Variants in RAB15 observed in about 807,000 individuals in gnomAD.
RAB15 encodes the protein ras-related protein Rab-15.
In RAB15, 13 loss-of-function variants were observed where a neutral mutation model predicts 31.8. The ratio of observed to expected loss-of-function variants is 0.41; its 90% CI spans 0.27 to 0.65. RAB15 has a LOEUF of 0.65. Ranked by LOEUF, RAB15 falls within the 30% of genes least tolerant of loss-of-function variation. The probability of loss-of-function intolerance (pLI) is 0.32; values close to 1 mark genes in which losing one functional copy is unlikely to be tolerated. For missense variants in RAB15, 220 were observed against 277.3 expected, an observed-to-expected ratio of 0.79 and a Z score of 1.47; for synonymous variants, 100 against 105.6, an observed-to-expected ratio of 0.95 and a Z score of 0.33.
chr14:64,954,092 G>T lies in RAB15; in HGVS notation c.125-1521C>A. On this transcript the variant is annotated intron_variant, in intron 1 of 6. Coordinates refer to ENST00000533601, the MANE Select transcript of RAB15 (RefSeq NM_001308154.2). The surrounding 1 kb of genome is among the most constrained non-coding windows in gnomAD (Gnocchi z 4.3). The stretch of plus-strand genomic sequence containing the variant: ...CATTTAATTACAAGGGAAAAAAGAT[G>T]CAGAACGGGCAACCTGAACTAAATC... 1.0e-6 allele frequency: 1 copy of T among 985,456 alleles called. No individual in the cohort carries two copies. Among genetic ancestry groups the T allele is most frequent in the Non-Finnish European group, 1.2e-6 (1 of 829,934 alleles). 61.0% of individuals were successfully genotyped at this position (985,456 alleles called of 1,614,324 possible).
rs1351684001 is a variant in RAB15, at chr14:64,948,035, T to G, written c.*319A>C. On this transcript the variant is annotated 3_prime_UTR_variant, in exon 7 of 7. Coordinates refer to ENST00000533601, the MANE Select transcript of RAB15 (RefSeq NM_001308154.2). This position sits in a 1 kb window ranked among gnomAD's most constrained non-coding sequence, Gnocchi z 7.0. Reference sequence around the variant, plus strand: ...GAGAAAGGAGCAGCTGAAAGTGGCCTGGACTCCAGCCCTGGCTGTTGTCTG... The same window carrying G: ...GAGAAAGGAGCAGCTGAAAGTGGCCGGGACTCCAGCCCTGGCTGTTGTCTG... 1.6e-5 allele frequency: 5 copies of G among 306,108 alleles called. No homozygotes were observed. Among genetic ancestry groups the G allele is most frequent in the Non-Finnish European group, 3.0e-5 (5 of 166,962 alleles). The allele number at this position is 306,108 out of a possible 1,614,324, so 19.0% of individuals were successfully genotyped here.
At chr14:64,966,183 C>A (rs1208380471) in intron 1 of RAB15, among the ~76,000 whole-genome samples, 1 of 152,200 alleles carries the variant, frequency 6.6e-6, no homozygotes, top group African/African-American at 2.4e-5. Context: ...TGTAAGCCAG[C>A]TCCTTGGTTT....
rs1443397320 is a variant in RAB15 at position 64,958,236 on chromosome 14, A to G, written c.125-5665T>C. ...AGGTCTGTGTTCCTCCAAAATTCCCATATTGAAACTTAATCCCCAGTGCAG... is the reference window on the plus strand; with the variant it reads ...AGGTCTGTGTTCCTCCAAAATTCCCGTATTGAAACTTAATCCCCAGTGCAG... On this transcript the variant is annotated intron_variant, in intron 1 of 6. Transcript: ENST00000533601. The surrounding 1 kb of genome is among the most constrained non-coding windows in gnomAD (Gnocchi z 4.4). The G allele has an allele frequency of 1.3e-5, 2 of 152,314 alleles. No individual in the cohort carries two copies. Among genetic ancestry groups the G allele is most frequent in the Non-Finnish European group, 1.5e-5 (1 of 68,152 alleles). The allele number at this position is 152,314 out of a possible 1,614,324, so 9.4% of individuals were successfully genotyped here. A position where few individuals can be genotyped will look rare whatever the true frequency, so the allele number is the denominator to read the frequency against.
At position 64,946,514 on chromosome 14, in the gene RAB15, G is replaced by T. The variant is rs1352663120; in HGVS notation, c.*1840C>A. 6.6e-6 allele frequency: 1 copy of T among 152,216 alleles called. No individual in the cohort carries two copies. The highest frequency in any genetic ancestry group is 1.5e-5 in the Non-Finnish European group (1 of 68,056). The allele number at this position is 152,216 out of a possible 1,614,324, so 9.4% of individuals were successfully genotyped here. A position where few individuals can be genotyped will look rare whatever the true frequency, so the allele number is the denominator to read the frequency against. On this transcript the variant is annotated 3_prime_UTR_variant, in exon 7 of 7. Coordinates refer to ENST00000533601, the MANE Select transcript of RAB15 (RefSeq NM_001308154.2). The stretch of plus-strand genomic sequence containing the variant: ...CTGTCTCCTTTTCTCATTAGCCAGT[G>T]ATTTACAACTTCCTGCTCTCCTTTG...
chr14:64,954,160 T>C lies in RAB15; in HGVS notation c.125-1589A>G. ...ATCATTTCTCGCCTGCCCAAGCTGA[T>C]TCATATCCATTGAGCTGTACTTTTC... On this transcript the variant is annotated intron_variant, in intron 1 of 6. Transcript: ENST00000533601. This position sits in a 1 kb window ranked among gnomAD's most constrained non-coding sequence, Gnocchi z 4.3. 2 of 985,466 alleles carry C rather than the reference T, an allele frequency of 2.0e-6. No homozygotes were observed. Among genetic ancestry groups the C allele is most frequent in the Non-Finnish European group, 2.4e-6 (2 of 829,934 alleles). The allele number at this position is 985,466 out of a possible 1,614,324, so 61.0% of individuals were successfully genotyped here. A position where few individuals can be genotyped will look rare whatever the true frequency, so the allele number is the denominator to read the frequency against.
rs76815586 is a variant in RAB15 at position 64,955,683 on chromosome 14, C to T, written c.125-3112G>A. Among the ~76,000 whole-genome samples the T allele has an allele frequency of 4.3e-3, 660 of 152,326 alleles. 2 individuals carry two copies. The highest frequency in any genetic ancestry group is 6.4e-3 in the Non-Finnish European group (435 of 68,036). On this transcript the variant is annotated intron_variant, in intron 1 of 6. Coordinates refer to ENST00000533601, the MANE Select transcript of RAB15 (RefSeq NM_001308154.2). The surrounding 1 kb of genome is among the most constrained non-coding windows in gnomAD (Gnocchi z 4.4). Reference sequence around the variant, plus strand: ...CAGATGAATGCCTTTCCTCTGAAGCCACCTCCTTTCTTCAGATTTTCCTAA... The same window carrying T: ...CAGATGAATGCCTTTCCTCTGAAGCTACCTCCTTTCTTCAGATTTTCCTAA...
chr14:64,971,183 T>C lies in RAB15; in HGVS notation c.124+770A>G, dbSNP rs1386715703. Reference sequence around the variant, plus strand: ...GCCATGGACCCATTCCTAGAATAAGTGACCCCATCATAGTGCTGTCTGGGA... The same window carrying C: ...GCCATGGACCCATTCCTAGAATAAGCGACCCCATCATAGTGCTGTCTGGGA... On this transcript the variant is annotated intron_variant, in intron 1 of 6. Coordinates refer to ENST00000533601, the MANE Select transcript of RAB15 (RefSeq NM_001308154.2). The surrounding 1 kb of genome is among the most constrained non-coding windows in gnomAD (Gnocchi z 4.1). Among the ~76,000 whole-genome samples, 15 of 152,186 alleles carry C rather than the reference T, an allele frequency of 9.9e-5. No homozygotes were observed. Among genetic ancestry groups the C allele is most frequent in the Admixed American group, 9.8e-4 (15 of 15,270 alleles).
chr14:64,964,688 G>A (rs1253391867), intron 1 of RAB15, among the ~76,000 whole-genome samples: 1 of 150,230 alleles, frequency 6.7e-6, no homozygotes, highest in Non-Finnish European at 1.5e-5. Flanking sequence ...CAATTCTCCT[G>A]CCTCAGCCTC....
At position 64,950,828 on chromosome 14, in the gene RAB15, C is replaced by T. The variant is rs376144019; in HGVS notation, c.324+246G>A. On this transcript the variant is annotated intron_variant, in intron 4 of 6. Coordinates refer to ENST00000533601, the MANE Select transcript of RAB15 (RefSeq NM_001308154.2). This position sits in a 1 kb window ranked among gnomAD's most constrained non-coding sequence, Gnocchi z 5.6. ...CCAAGATTTCAGGAAAGAAGCTGCT[C>T]ACAGGGAAGACTTGGAACTAATTCA... is the stretch of plus-strand genomic sequence containing the variant. 1.5e-3 allele frequency: 1,160 copies of T among 754,144 alleles called. 19 individuals carry two copies. The South Asian group carries it at 0.019, about 13-fold the overall frequency. 46.7% of individuals were successfully genotyped at this position (754,144 alleles called of 1,614,324 possible).
At position 64,968,675 on chromosome 14, in the gene RAB15, T is replaced by G. The variant is rs1887264155; in HGVS notation, c.124+3278A>C. Among the ~76,000 whole-genome samples, 1 of 152,242 alleles carries G rather than the reference T, an allele frequency of 6.6e-6. No individual in the cohort carries two copies. Among genetic ancestry groups the G allele is most frequent in the African/African-American group, 2.4e-5 (1 of 41,472 alleles). On this transcript the variant is annotated intron_variant, in intron 1 of 6. Transcript: ENST00000533601. This position sits in a 1 kb window ranked among gnomAD's most constrained non-coding sequence, Gnocchi z 4.9. ...TGCCTCCCCATCTAGGTTATGGGCT[T>G]CTGTGGGCAGAAAACGTAGACTGCA...
intron 1 of RAB15, among the ~76,000 whole-genome samples, chr14:64,966,000 G>A (rs1409035311): frequency 6.6e-6 from 1 of 152,198 alleles, no homozygotes; most frequent in Non-Finnish European, 1.5e-5. Flanking sequence ...ACACCTAGCA[G>A]GGGCCCAAGC....
In RAB15 at chr14:64,949,722, C is replaced by CAA. The variant is rs200189142; in HGVS notation, c.414+601_414+602dup. The stretch of plus-strand genomic sequence containing the variant: ...TGGGTGACAGAGCGAGACTCCATCT[C>CAA]AAAAAAAAAAAAAAAAAGAAAGAAA... On this transcript the variant is annotated intron_variant, in intron 5 of 6. Transcript: ENST00000533601. Among the ~76,000 whole-genome samples, 45 of 85,328 alleles carry CAA rather than the reference C, an allele frequency of 5.3e-4. No individual in the cohort carries two copies. In the South Asian group the frequency reaches 6.6e-3, roughly 13 times the overall value. The allele number at this position is 85,328 out of a possible 152,430, so 56.0% of individuals were successfully genotyped here. A position where few individuals can be genotyped will look rare whatever the true frequency, so the allele number is the denominator to read the frequency against.
At position 64,951,618 on chromosome 14, in the gene RAB15, G is replaced by A. The variant is rs1306805685; in HGVS notation, c.231C>T (p.Tyr77=). 6.2e-7 allele frequency: 1 copy of A among 1,614,230 alleles called. No individual in the cohort carries two copies. The highest frequency in any genetic ancestry group is 1.7e-5 in the Admixed American group (1 of 60,030). ...GGTGGCTTACCTGGGCCCGCCGATAGTACTGCTTTGTGATGGTCTGGTATC... is the reference window on the plus strand; with the variant it reads ...GGTGGCTTACCTGGGCCCGCCGATAATACTGCTTTGTGATGGTCTGGTATC... The part of the protein sequence containing the change: ...QERYQTITKQ[Y]YRRAQGIFLV... Residue 77 remains tyrosine (Y), a synonymous_variant, in exon 3 of 7, where the codon TAC becomes TAT. Transcript: ENST00000533601. The surrounding 1 kb of genome is among the most constrained non-coding windows in gnomAD (Gnocchi z 7.2).
In RAB15 at chr14:64,972,072, G is replaced by C. The variant is rs1887459479; in HGVS notation, c.5C>G (p.Ala2Gly). The C allele has an allele frequency of 6.2e-7, 1 of 1,604,416 alleles. No homozygotes were observed. Among genetic ancestry groups the C allele is most frequent in the Non-Finnish European group, 8.5e-7 (1 of 1,176,618 alleles). M[A>G]KQYDVLFRLL... ...CCGGAACAGCACATCGTACTGCTTC[G>C]CCATGACTGGGGCCAGCGGGGCCGG... is the stretch of plus-strand genomic sequence containing the variant. The change falls in exon 1 of 7, where the codon GCG becomes GGG. Residue 2 changes from alanine (A) to glycine (G), a missense_variant. Ala to Gly is a moderately conservative substitution (Grantham distance 60, BLOSUM62 0). Coordinates refer to ENST00000533601, the MANE Select transcript of RAB15 (RefSeq NM_001308154.2). This position sits in a 1 kb window ranked among gnomAD's most constrained non-coding sequence, Gnocchi z 6.3.
intron 1 of RAB15, among the ~76,000 whole-genome samples, chr14:64,959,798 GGGA>G (rs1886754786): frequency 6.8e-6 from 1 of 146,790 alleles, no homozygotes; most frequent in Admixed American, 6.8e-5. Context: ...ACTTGAGTCT[GGGA>G]GGTTGAGGCT....
At chr14:64,949,580 A>G (rs1886115714) in intron 5 of RAB15, among the ~76,000 whole-genome samples, 1 of 152,028 alleles carries the variant, frequency 6.6e-6, no homozygotes, top group Non-Finnish European at 1.5e-5. Flanking sequence ...AAAATTAGCC[A>G]GGCGTGGTGG....
intron 1 of RAB15, among the ~76,000 whole-genome samples, chr14:64,957,134 C>T (rs1319969516): frequency 6.6e-6 from 1 of 151,634 alleles, no homozygotes; most frequent in Non-Finnish European, 1.5e-5. Context: ...ATGAGGTCTC[C>T]CTGTATTGCC....
Position 64,948,589 on chromosome 14 carries a change from G to C in RAB15, c.481-77C>G. 1 of 1,608,876 alleles carries C rather than the reference G, an allele frequency of 6.2e-7. No individual in the cohort carries two copies. The highest frequency in any genetic ancestry group is 8.5e-7 in the Non-Finnish European group (1 of 1,176,494). On this transcript the variant is annotated intron_variant, in intron 6 of 6. Coordinates refer to ENST00000533601, the MANE Select transcript of RAB15 (RefSeq NM_001308154.2). This position sits in a 1 kb window ranked among gnomAD's most constrained non-coding sequence, Gnocchi z 7.0. Reference sequence around the variant, plus strand: ...AACCCTGCAGCGGCCTGAGGGATAAGGTCCATCTTATGGCTCCTCCTCCCA... The same window carrying C: ...AACCCTGCAGCGGCCTGAGGGATAACGTCCATCTTATGGCTCCTCCTCCCA...
rs1886370596 is a variant in RAB15, at chr14:64,953,407, A to G, written c.125-836T>C. On this transcript the variant is annotated intron_variant, in intron 1 of 6. Transcript: ENST00000533601. The surrounding 1 kb of genome is among the most constrained non-coding windows in gnomAD (Gnocchi z 4.6). ...GACTGCAGCTGTCATGAGCTAGTGC[A>G]GGGCCGGGTACATGCGGGTGCTTAT... Among the ~76,000 whole-genome samples the G allele has an allele frequency of 1.3e-5, 2 of 152,212 alleles. No individual in the cohort carries two copies. Among genetic ancestry groups the G allele is most frequent in the Admixed American group, 1.3e-4 (2 of 15,274 alleles).
Sources: allele counts gnomAD v4.1 joint callset (sites outside exome capture counted in the v4.1 genomes callset), GRCh38; gene constraint gnomAD v4.1.1; non-coding constraint Gnocchi (gnomAD v3.1); transcripts MANE v1.5; gene names NCBI Gene and HGNC (gene_info 2026-07-23, HGNC 2026-07-21).